OTUD7A: variants seen among roughly 807,000 people sequenced by gnomAD.
The protein encoded by OTUD7A is OTU deubiquitinase 7A.
A neutral mutation model predicts 65.7 loss-of-function variants in OTUD7A; 12 were observed. The observed-to-expected ratio is 0.18, with a 90% CI of 0.12 to 0.30. OTUD7A has a LOEUF of 0.30. OTUD7A is among the 10% of genes least tolerant of loss of function. The probability of loss-of-function intolerance (pLI) is 1.00; values close to 1 mark genes in which losing one functional copy is unlikely to be tolerated. For missense variants in OTUD7A, 1,148 were observed against 1,304.8 expected, an observed-to-expected ratio of 0.88 and a Z score of 1.85; for synonymous variants, 641 against 586.3, an observed-to-expected ratio of 1.09 and a Z score of -1.35.
intron 10 of OTUD7A, among the ~76,000 whole-genome samples, chr15:31,499,965 A>T (rs960667535): frequency 2.0e-5 from 3 of 152,206 alleles, no homozygotes; most frequent in African/African-American, 7.2e-5. Flanking sequence ...GTGCCTTGAA[A>T]ACACCAAGCA....
intron 1 of OTUD7A, among the ~76,000 whole-genome samples, chr15:31,759,656 C>A (rs574097250): frequency 6.6e-6 from 1 of 152,186 alleles, no homozygotes; most frequent in African/African-American, 2.4e-5. Flanking sequence ...ACCTCAGCCT[C>A]CCGAGTAGCT....
chr15:31,771,454 C>T lies in OTUD7A; in HGVS notation c.-100+99053G>A, dbSNP rs115160525. 5.0e-3 allele frequency among the ~76,000 whole-genome samples: 760 copies of T among 152,282 alleles called. 5 individuals are homozygous for T. Among genetic ancestry groups the T allele is most frequent in the African/African-American group, 0.017 (722 of 41,572 alleles). On this transcript the variant is annotated intron_variant, in intron 1 of 12. Transcript: ENST00000307050. Reference sequence around the variant, plus strand: ...CATTTACGTGATTGCTTAGGTCAAACGCTTGGAATTGTCCTTGATTCCTTT... The same window carrying T: ...CATTTACGTGATTGCTTAGGTCAAATGCTTGGAATTGTCCTTGATTCCTTT...
At chr15:31,762,182 GT>G (rs1894982762) in intron 1 of OTUD7A, among the ~76,000 whole-genome samples, 1 of 152,214 alleles carries the variant, frequency 6.6e-6, no homozygotes, top group Non-Finnish European at 1.5e-5. Flanking sequence ...AAAACTAACA[GT>G]AAAATCAATG....
chr15:31,604,369 T>A (rs1004466177), intron 3 of OTUD7A, among the ~76,000 whole-genome samples: 3 of 151,716 alleles, frequency 2.0e-5, no homozygotes, highest in African/African-American at 7.3e-5. Context: ...CCGCATTTTC[T>A]CACTCATAAG....
intron 3 of OTUD7A, among the ~76,000 whole-genome samples, chr15:31,646,182 T>C (rs1464963687): frequency 6.6e-6 from 1 of 152,176 alleles, no homozygotes; most frequent in African/African-American, 2.4e-5. Context: ...GGACAGCTCA[T>C]CCACAGGGCT....
chr15:31,611,809 A>G (rs1490241715), intron 3 of OTUD7A, among the ~76,000 whole-genome samples: 1 of 152,250 alleles, frequency 6.6e-6, no homozygotes, highest in Non-Finnish European at 1.5e-5. Flanking sequence ...TGAAGCCAGC[A>G]TCACCCTAAT....
intron 1 of OTUD7A, among the ~76,000 whole-genome samples, chr15:31,680,589 C>T (rs920927518): frequency 4.4e-4 from 67 of 152,180 alleles, no homozygotes; most frequent in Middle Eastern, 3.4e-3. Context: ...GCTCAGGACC[C>T]GGGAGGGAAG....
At chr15:31,766,240 G>A in intron 1 of OTUD7A, 2 of 1,550,636 alleles carry the variant, frequency 1.3e-6, no homozygotes, top group South Asian at 1.1e-5. Flanking sequence ...GAAACGGTAT[G>A]TATCAACAGT....
chr15:31,489,447 T>C (rs1400979771), intron 10 of OTUD7A, among the ~76,000 whole-genome samples: 2 of 152,154 alleles, frequency 1.3e-5, no homozygotes, highest in Non-Finnish European at 2.9e-5. Flanking sequence ...CAGGGTAGAA[T>C]TGCTGTTGGA....
intron 10 of OTUD7A, among the ~76,000 whole-genome samples, chr15:31,491,018 A>G (rs980237027): frequency 6.6e-6 from 1 of 152,230 alleles, no homozygotes; most frequent in African/African-American, 2.4e-5. Flanking sequence ...GCAAAAGGAA[A>G]GGCATGCTTC....
At chr15:31,552,501 T>C (rs977752561) in intron 5 of OTUD7A, among the ~76,000 whole-genome samples, 15 of 152,322 alleles carry the variant, frequency 9.8e-5, no homozygotes, top group South Asian at 8.3e-4. Flanking sequence ...GAGGAGGCCA[T>C]TTACTTGATG....
At chr15:31,799,109 T>A (rs1048578477) in intron 1 of OTUD7A, among the ~76,000 whole-genome samples, 3 of 151,690 alleles carry the variant, frequency 2.0e-5, no homozygotes, top group Admixed American at 1.3e-4. Flanking sequence ...CAGGAGTGAG[T>A]CTGGGGTGGA....
intron 1 of OTUD7A, among the ~76,000 whole-genome samples, chr15:31,802,135 G>GTATATATATATATATATA (rs1434073127): frequency 8.1e-6 from 1 of 123,904 alleles, no homozygotes; most frequent in African/African-American, 3.1e-5. Context: ...GTGTGTGTGT[G>GTATATATATATATATATA]TGTGTGTATA....
At chr15:31,755,839 T>C (rs1894797566) in intron 1 of OTUD7A, among the ~76,000 whole-genome samples, 2 of 152,374 alleles carry the variant, frequency 1.3e-5, no homozygotes, top group Middle Eastern at 3.4e-3. Context: ...TTTGCTTGTT[T>C]TCCACCCAGT....
intron 8 of OTUD7A, among the ~76,000 whole-genome samples, chr15:31,523,314 C>A (rs11630860): frequency 0.04 from 6,166 of 152,324 alleles, 162 homozygotes; most frequent in Non-Finnish European, 0.064. Context: ...GTGGCAAAGT[C>A]TTTCTTGCTG....
chr15:31,857,519 G>A (rs541770661), intron 1 of OTUD7A, among the ~76,000 whole-genome samples: 3 of 152,284 alleles, frequency 2.0e-5, no homozygotes, highest in Non-Finnish European at 4.4e-5. Flanking sequence ...CATAGGGATG[G>A]CAAGCTGTCC....
chr15:31,800,397 A>G (rs1896088610), intron 1 of OTUD7A, among the ~76,000 whole-genome samples: 1 of 152,154 alleles, frequency 6.6e-6, no homozygotes, highest in Non-Finnish European at 1.5e-5. Flanking sequence ...CTGGTGGCCC[A>G]TGGTCTCACC....
At chr15:31,673,515 T>C (rs1892530929) in intron 1 of OTUD7A, among the ~76,000 whole-genome samples, 1 of 152,222 alleles carries the variant, frequency 6.6e-6, no homozygotes, top group Admixed American at 6.5e-5. Flanking sequence ...CTGACAATTC[T>C]AAACCCTCAG....
At chr15:31,811,988 G>T (rs1012116078) in intron 1 of OTUD7A, among the ~76,000 whole-genome samples, 19 of 152,242 alleles carry the variant, frequency 1.2e-4, no homozygotes, top group Non-Finnish European at 2.8e-4. Flanking sequence ...GGCTGCGGGA[G>T]GATGCTGGTC....
Sources: gnomAD v4.1 joint callset for allele counts (sites outside exome capture counted in the v4.1 genomes callset) on GRCh38, gnomAD v4.1.1 for gene constraint, MANE v1.5 for transcripts, NCBI Gene and HGNC (gene_info 2026-07-23, HGNC 2026-07-21) for gene names.